Variants in ANK1 observed in about 807,000 individuals in gnomAD.
The protein encoded by ANK1 is ankyrin-1.
ANK1 carries 51 observed loss-of-function variants against 210.4 expected under a neutral mutation model. The observed-to-expected ratio is 0.24, with a 90% confidence interval of 0.19 to 0.31. ANK1 has a LOEUF of 0.31. Ranked by LOEUF, ANK1 falls within the 10% of genes least tolerant of loss-of-function variation. The pLI is 1.00. For missense variants in ANK1, 2,051 were observed against 2,504.4 expected (o/e 0.82, Z 3.86); for synonymous variants, 967 against 1,025.9 (o/e 0.94, Z 1.10).
At chr8:41,713,168 C>G (rs1156727258) in intron 16 of ANK1, among the ~76,000 whole-genome samples, 1 of 152,242 alleles carries the variant, frequency 6.6e-6, no homozygotes, top group African/African-American at 2.4e-5. Flanking sequence ...GGCTCCTTCT[C>G]TGCAGCACTT....
chr8:41,886,071 T>G (rs116948002), intron 1 of ANK1, among the ~76,000 whole-genome samples: 2 of 152,206 alleles, frequency 1.3e-5, no homozygotes, highest in African/African-American at 4.8e-5. Flanking sequence ...TTAAGTCTCA[T>G]TCGGGATTAA....
chr8:41,796,057 G>T (rs1848679780), intron 1 of ANK1, among the ~76,000 whole-genome samples: 1 of 152,146 alleles, frequency 6.6e-6, no homozygotes, highest in Admixed American at 6.5e-5. Flanking sequence ...ACCAATAACA[G>T]AGAAGAAACT....
intron 22 of ANK1, among the ~76,000 whole-genome samples, chr8:41,700,104 G>A (rs1443964212): frequency 1.3e-5 from 2 of 152,162 alleles, no homozygotes; most frequent in African/African-American, 4.8e-5. Flanking sequence ...CCCGGCCCTC[G>A]ACCTTGAGGG....
At chr8:41,661,728 C>CAG in intron 41 of ANK1, 148 bp downstream of exon 41, 1 of 1,602,600 alleles carries the variant, frequency 6.2e-7, no homozygotes, top group Non-Finnish European at 8.5e-7. Flanking sequence ...AGGGAGGTGT[C>CAG]ATGCAGACGG....
Position 41,677,093 on chromosome 8 carries a change from T to C in ANK1, c.4538-4181A>G, listed in dbSNP as rs921178325. Among the ~76,000 whole-genome samples the C allele has an allele frequency of 2.0e-5, 3 of 152,340 alleles. No individual in the cohort carries two copies. In the East Asian group the frequency reaches 5.8e-4, roughly 29 times the overall value. On this transcript the variant is annotated intron_variant, in intron 37 of 42. Coordinates refer to ENST00000289734, the MANE Select transcript of ANK1 (RefSeq NM_000037.4). ...TAGTTTGTGTCTTTCAAGGAATTTG[T>C]TGATTTCACCTGTTTTCCAATTTAC...
chr8:41,803,338 A>AGTT (rs1850466694), intron 1 of ANK1: 1 of 152,172 alleles, frequency 6.6e-6, no homozygotes, highest in Admixed American at 6.6e-5. Flanking sequence ...GAGGTCTCCT[A>AGTT]GTTTGTCCCT....
intron 22 of ANK1, chr8:41,700,511 C>G (rs372042529): frequency 2.6e-6 from 4 of 1,546,290 alleles, no homozygotes; most frequent in Non-Finnish European, 3.6e-6. Flanking sequence ...GCAGTTAAAG[C>G]GAGAGGCATA....
At chr8:41,741,734 G>T (rs1269051652) in intron 2 of ANK1, among the ~76,000 whole-genome samples, 1 of 152,202 alleles carries the variant, frequency 6.6e-6, no homozygotes, top group Non-Finnish European at 1.5e-5. Flanking sequence ...AGGCAGGCAT[G>T]AGATGGGTTC....
intron 1 of ANK1, among the ~76,000 whole-genome samples, chr8:41,866,269 G>A (rs568158782): frequency 1.8e-4 from 27 of 152,236 alleles, no homozygotes; most frequent in Admixed American, 1.2e-3. Flanking sequence ...AGCTCATTGC[G>A]GCCTTGATCA....
In ANK1 at chr8:41,695,030, G is replaced by A. The variant is rs967751493; in HGVS notation, c.3115+147C>T. On this transcript the variant is annotated intron_variant, in intron 27 of 42. Transcript: ENST00000289734. ...GCTGAGCATCCTCTCACACATCCTGGGGACCCAGGGCTTGTCCACACCAGG... is the reference window on the plus strand; with the variant it reads ...GCTGAGCATCCTCTCACACATCCTGAGGACCCAGGGCTTGTCCACACCAGG... The A allele has an allele frequency of 6.9e-5, 81 of 1,180,730 alleles. 1 individual carries two copies. The highest frequency in any genetic ancestry group is 9.2e-5 in the Non-Finnish European group (74 of 803,640). The allele number at this position is 1,180,730 out of a possible 1,614,324, so 73.1% of individuals were successfully genotyped here. A position where few individuals can be genotyped will look rare whatever the true frequency, so the allele number is the denominator to read the frequency against.
chr8:41,873,180 A>G (rs1815888736), intron 1 of ANK1, among the ~76,000 whole-genome samples: 1 of 152,258 alleles, frequency 6.6e-6, no homozygotes, highest in Non-Finnish European at 1.5e-5. Flanking sequence ...GTCTATAAAG[A>G]AACTACATAA....
chr8:41,787,929 C>T (rs1431003466), intron 1 of ANK1, among the ~76,000 whole-genome samples: 2 of 152,112 alleles, frequency 1.3e-5, no homozygotes, highest in Non-Finnish European at 2.9e-5. Flanking sequence ...CATAATACAC[C>T]ACCCTGCCCC....
At chr8:41,894,800 T>A (rs1820143941) in intron 1 of ANK1, among the ~76,000 whole-genome samples, 1 of 151,010 alleles carries the variant, frequency 6.6e-6, no homozygotes, top group African/African-American at 2.4e-5. Context: ...CCTGCCTGAC[T>A]CACAAGACGG....
At chr8:41,698,610 T>C (rs930089270) in intron 23 of ANK1, among the ~76,000 whole-genome samples, 3 of 152,182 alleles carry the variant, frequency 2.0e-5, no homozygotes, top group African/African-American at 7.2e-5. Context: ...CTTTGCAAAA[T>C]GTCCCTGTGT....
chr8:41,707,786 T>C (rs762224213), intron 17 of ANK1, among the ~76,000 whole-genome samples: 13 of 152,212 alleles, frequency 8.5e-5, no homozygotes, highest in Non-Finnish European at 1.8e-4. Context: ...TTCAAATTTG[T>C]AAAAAATGTG....
Position 41,739,829 on chromosome 8 carries a change from C to T in ANK1, c.130-5760G>A, listed in dbSNP as rs137891966. 3.0e-4 allele frequency among the ~76,000 whole-genome samples: 46 copies of T among 152,190 alleles called. No individual in the cohort carries two copies. The East Asian group carries it at 7.0e-3, about 23-fold the overall frequency. ...CTTTTTGTGTGAGTGTTCTTGACCT[C>T]CCTCAACTTCCAGCCATCCTGCATG... On this transcript the variant is annotated intron_variant, in intron 2 of 42. Coordinates refer to ENST00000289734, the MANE Select transcript of ANK1 (RefSeq NM_000037.4).
intron 1 of ANK1, among the ~76,000 whole-genome samples, chr8:41,785,377 A>G (rs1846134515): frequency 6.6e-6 from 1 of 152,172 alleles, no homozygotes; most frequent in Non-Finnish European, 1.5e-5. Context: ...AATTAATTAG[A>G]TAATAAAAAC....
At chr8:41,676,648 C>T (rs1385545722) in intron 37 of ANK1, among the ~76,000 whole-genome samples, 2 of 152,058 alleles carry the variant, frequency 1.3e-5, no homozygotes, top group African/African-American at 4.8e-5. Context: ...GAAATCTTTG[C>T]CTTAACCAAG....
chr8:41,675,269 G>C (rs546113348), intron 37 of ANK1, among the ~76,000 whole-genome samples: 37 of 152,232 alleles, frequency 2.4e-4, no homozygotes, highest in Admixed American at 2.2e-3. Flanking sequence ...GCCAATTTTT[G>C]TATTTTTAGT....
Sources: allele counts gnomAD v4.1 joint callset (sites outside exome capture counted in the v4.1 genomes callset), GRCh38; gene constraint gnomAD v4.1.1; transcripts MANE v1.5; gene names NCBI Gene and HGNC (gene_info 2026-07-23, HGNC 2026-07-21).